The following IGDCC3 variants were observed in gnomAD, a reference collection of about 807,000 sequenced individuals.
The protein encoded by IGDCC3 is immunoglobulin superfamily DCC subclass member 3.
In IGDCC3, 47 loss-of-function variants were observed where a neutral mutation model predicts 72.0. That is an observed-to-expected ratio of 0.65 (90% CI 0.52 to 0.83). IGDCC3 has a LOEUF of 0.83. Among genes scored for constraint, IGDCC3 ranks in the 40% least tolerant of loss-of-function variants. The pLI, the probability that IGDCC3 is intolerant of heterozygous loss-of-function variation, is 0.00. For missense variants in IGDCC3, 1,038 were observed against 1,091.3 expected, an observed-to-expected ratio of 0.95 and a Z score of 0.69; for synonymous variants, 477 against 472.8, an observed-to-expected ratio of 1.01 and a Z score of -0.11.
chr15:65,330,937 C>G lies in IGDCC3; in HGVS notation c.1561+113G>C. The G allele has an allele frequency of 9.3e-6, 12 of 1,289,362 alleles. No homozygotes were observed. In the South Asian group the frequency reaches 1.7e-4, roughly 18 times the overall value. 79.9% of individuals were successfully genotyped at this position (1,289,362 alleles called of 1,614,324 possible). On this transcript the variant is annotated intron_variant, in intron 9 of 13. Transcript: ENST00000327987. ...CTCCAAGTAGACTCAGCCCTGACAGCCTCAGGGCCGGGCACCCTGCACAGC... is the reference window on the plus strand; with the variant it reads ...CTCCAAGTAGACTCAGCCCTGACAGGCTCAGGGCCGGGCACCCTGCACAGC...
intron 2 of IGDCC3, among the ~76,000 whole-genome samples, chr15:65,336,678 C>A (rs2091031901): frequency 6.6e-6 from 1 of 152,120 alleles, no homozygotes; most frequent in African/African-American, 2.4e-5. Flanking sequence ...AGGGACCCCT[C>A]CCCACCTTTT....
In IGDCC3 at chr15:65,335,800, C is replaced by T. The variant is rs973884131; in HGVS notation, c.554+12G>A. ...CTTTGTCCTCCCTCTGTCTTTCCCA[C>T]ACGTGGCTCACCTCTCATTGTCCGT... On this transcript the variant is annotated intron_variant, in intron 3 of 13. Coordinates refer to ENST00000327987, the MANE Select transcript of IGDCC3 (RefSeq NM_004884.4). The T allele has an allele frequency of 6.2e-7, 1 of 1,614,080 alleles. No homozygotes were observed. Among genetic ancestry groups the T allele is most frequent in the Non-Finnish European group, 8.5e-7 (1 of 1,179,926 alleles).
chr15:65,335,503 A>T, intron 3 of IGDCC3, 82 bp from the exon 4 acceptor site: 1 of 1,410,682 alleles, frequency 7.1e-7, no homozygotes, highest in East Asian at 2.3e-5. Flanking sequence ...TCCAAGATAC[A>T]GCCCAGGACC....
intron 3 of IGDCC3, 39 bp downstream of exon 3, chr15:65,335,773 C>T: frequency 6.2e-7 from 1 of 1,611,286 alleles, no homozygotes; most frequent in Non-Finnish European, 8.5e-7. Context: ...CACTGGCCAC[C>T]TCTTTGTCCT....
In IGDCC3 at chr15:65,334,766, G is replaced by A. The variant is rs1439143699; in HGVS notation, c.785C>T (p.Thr262Met). 6.9e-6 allele frequency: 11 copies of A among 1,602,942 alleles called. No individual in the cohort carries two copies. The highest frequency in any genetic ancestry group is 8.5e-6 in the Non-Finnish European group (10 of 1,174,932). The change falls in exon 5 of 14, where the codon ACG (threonine) becomes ATG (methionine). Residue 262 changes from threonine (T) to methionine (M), a missense_variant. Transcript: ENST00000327987. ...GGACACAATGGGGCGCGGGTTGCCC[G>A]TGGCGACACACTCAAGCACCGCGGT... ...HQTAVLECVA[T>M]GNPRPIVSWS...
Position 65,330,679 on chromosome 15 carries a change from C to T in IGDCC3, c.1624G>A (p.Glu542Lys). ...TGCTGGGCCAGCCGGGGCCAAGGCT[C>T]CCACAGCAGCTGCAAGGAGGAGCTG... The part of the protein sequence containing the change: ...LGSSSLQLLW[E>K]PWPRLAQHEG... The change falls in exon 10 of 14, where the codon GAG becomes AAG. Residue 542 changes from glutamate to lysine, a missense_variant. Glu to Lys is a moderately conservative substitution (Grantham distance 56). Coordinates refer to ENST00000327987, the MANE Select transcript of IGDCC3 (RefSeq NM_004884.4). 1 of 1,613,464 alleles carries T rather than the reference C, an allele frequency of 6.2e-7. No individual in the cohort carries two copies. The highest frequency in any genetic ancestry group is 8.5e-7 in the Non-Finnish European group (1 of 1,179,740).
At chr15:65,342,500 CA>C (rs1377484500) in intron 2 of IGDCC3, among the ~76,000 whole-genome samples, 2 of 152,196 alleles carry the variant, frequency 1.3e-5, no homozygotes, top group Non-Finnish European at 2.9e-5. Context: ...CACTATGGGT[CA>C]GCACCAATAG....
intron 2 of IGDCC3, among the ~76,000 whole-genome samples, chr15:65,361,407 A>C (rs948528804): frequency 5.3e-5 from 8 of 151,380 alleles, no homozygotes; most frequent in Non-Finnish European, 1.2e-4. Context: ...GTGCTGCTGC[A>C]CTCCAACCAG....
In IGDCC3 at chr15:65,329,311, C is replaced by T. The variant is rs904033598; in HGVS notation, c.2205+79G>A. On this transcript the variant is annotated intron_variant, in intron 13 of 13. Coordinates refer to ENST00000327987, the MANE Select transcript of IGDCC3 (RefSeq NM_004884.4). The surrounding 1 kb of genome is among the most constrained non-coding windows in gnomAD (Gnocchi z 4.1). The stretch of plus-strand genomic sequence containing the variant: ...AAGGCCAATGATCGAGGCCCGTGGC[C>T]AAGGTGAAGGGGGGCAGGATTGGAA... The T allele has an allele frequency of 2.0e-6, 3 of 1,491,550 alleles. No homozygotes were observed. Among genetic ancestry groups the T allele is most frequent in the East Asian group, 2.3e-5 (1 of 44,002 alleles). The allele number at this position is 1,491,550 out of a possible 1,614,324, so 92.4% of individuals were successfully genotyped here. A position where few individuals can be genotyped will look rare whatever the true frequency, so the allele number is the denominator to read the frequency against.
At chr15:65,358,350 C>CCTGCCTTA (rs1224532332) in intron 2 of IGDCC3, among the ~76,000 whole-genome samples, 1 of 152,098 alleles carries the variant, frequency 6.6e-6, no homozygotes, top group African/African-American at 2.4e-5. Flanking sequence ...AAGTGATCTG[C>CCTGCCTTA]CTGCCTTAGC....
At chr15:65,334,601 G>T in intron 5 of IGDCC3, 127 bp downstream of exon 5, 1 of 902,494 alleles carries the variant, frequency 1.1e-6, no homozygotes, top group Non-Finnish European at 1.6e-6. Flanking sequence ...CACAGGGATA[G>T]AATGGACCCC....
Position 65,328,586 on chromosome 15 carries a change from C to CTT in IGDCC3, c.*321_*322dup, listed in dbSNP as rs76982849. 3.0e-3 allele frequency: 589 copies of CTT among 195,168 alleles called. 2 individuals are homozygous for CTT. Among genetic ancestry groups the CTT allele is most frequent in the African/African-American group, 6.7e-3 (274 of 40,732 alleles). The allele number at this position is 195,168 out of a possible 1,614,324, so 12.1% of individuals were successfully genotyped here. ...ATTCACCTTCCTCTATCTCTCTCCT[C>CTT]TTTTTTTTTTTTTTTAAGTTTTGCT... On this transcript the variant is annotated 3_prime_UTR_variant, in exon 14 of 14. Coordinates refer to ENST00000327987, the MANE Select transcript of IGDCC3 (RefSeq NM_004884.4).
At chr15:65,343,486 C>A (rs867478881) in intron 2 of IGDCC3, among the ~76,000 whole-genome samples, 1 of 152,166 alleles carries the variant, frequency 6.6e-6, no homozygotes, top group African/African-American at 2.4e-5. Context: ...GGGGGCTTCA[C>A]GGGGTCCCAA....
At chr15:65,341,507 T>C (rs2091081206) in intron 2 of IGDCC3, among the ~76,000 whole-genome samples, 1 of 152,234 alleles carries the variant, frequency 6.6e-6, no homozygotes, top group South Asian at 2.1e-4. Flanking sequence ...CAAGATATGC[T>C]ATATCCATTG....
intron 2 of IGDCC3, among the ~76,000 whole-genome samples, chr15:65,347,964 C>G (rs2091139611): frequency 1.3e-5 from 2 of 150,936 alleles, no homozygotes; most frequent in South Asian, 4.2e-4. Context: ...ACAACAACAA[C>G]AAAACAAACA....
chr15:65,334,812 G>C lies in IGDCC3; in HGVS notation c.739C>G (p.Leu247Val). 6.2e-7 allele frequency: 1 copy of C among 1,613,068 alleles called. No homozygotes were observed. The highest frequency in any genetic ancestry group is 8.5e-7 in the Non-Finnish European group (1 of 1,179,614). ...GCGGTCTGGTGCACTGTCAGGGTGA[G>C]GTTCTCAGGCCCCACGAGGATGGCT... Reference protein sequence around the residue: ...EPAILVGPENLTLTVHQTAVL... With the variant: ...EPAILVGPENVTLTVHQTAVL... The change falls in exon 5 of 14, where the codon CTC (leucine) becomes GTC (valine). Residue 247 changes from leucine to valine, a missense_variant. Coordinates refer to ENST00000327987, the MANE Select transcript of IGDCC3 (RefSeq NM_004884.4).
chr15:65,358,658 G>A (rs2091241378), intron 2 of IGDCC3, among the ~76,000 whole-genome samples: 1 of 136,168 alleles, frequency 7.3e-6, no homozygotes, highest in East Asian at 2.3e-4. Flanking sequence ...AACTGAAAAA[G>A]TGTCTTTATG....
intron 9 of IGDCC3, 59 bp from the exon 10 acceptor site, chr15:65,330,800 C>T (rs1368407870): frequency 2.9e-6 from 4 of 1,398,572 alleles, no homozygotes; most frequent in African/African-American, 2.8e-5. Flanking sequence ...ATCTTTCTAC[C>T]TTCCACCTGT....
chr15:65,335,975 A>T lies in IGDCC3; in HGVS notation c.410-19T>A. On this transcript the variant is annotated intron_variant, in intron 2 of 13. Coordinates refer to ENST00000327987, the MANE Select transcript of IGDCC3 (RefSeq NM_004884.4). ...GACATGGCTGGGGGAAGAGAAGTGTATGAGTGCAGTGCGCTGCTGAGGGCA... is the reference window on the plus strand; with the variant it reads ...GACATGGCTGGGGGAAGAGAAGTGTTTGAGTGCAGTGCGCTGCTGAGGGCA... 1 of 1,613,792 alleles carries T rather than the reference A, an allele frequency of 6.2e-7. No homozygotes were observed. Among genetic ancestry groups the T allele is most frequent in the Non-Finnish European group, 8.5e-7 (1 of 1,179,796 alleles).
Sources: gnomAD v4.1 joint callset for allele counts (sites outside exome capture counted in the v4.1 genomes callset) on GRCh38, gnomAD v4.1.1 for gene constraint, Gnocchi (gnomAD v3.1) non-coding constraint, MANE v1.5 for transcripts, NCBI Gene and HGNC (gene_info 2026-07-23, HGNC 2026-07-21) for gene names.